LOC400499: variants seen among roughly 807,000 people sequenced by gnomAD.
At chr16:11,491,669 A>T in the LOC400499 span, 1 of 202,892 alleles carries the variant, frequency 4.9e-6, no homozygotes, top group Admixed American at 6.7e-5. Context: ...ACCCCTGCCC[A>T]CACCCCTCCC....
chr16:11,502,386 A>G, the LOC400499 span, among the ~76,000 whole-genome samples: 1 of 152,272 alleles, frequency 6.6e-6, no homozygotes, highest in African/African-American at 2.4e-5. Flanking sequence ...CAAGCATACA[A>G]GCTGGCTCAT....
chr16:11,479,654 A>T, the LOC400499 span, among the ~76,000 whole-genome samples: 4 of 151,942 alleles, frequency 2.6e-5, no homozygotes, highest in African/African-American at 9.7e-5. Context: ...AAAAAAAGAA[A>T]ATTTGCAAAG....
the LOC400499 span, chr16:11,425,099 T>C: frequency 2.5e-6 from 1 of 398,964 alleles, no homozygotes; most frequent in Non-Finnish European, 4.4e-6. Flanking sequence ...TGGAGGAAGC[T>C]GTTCTGCCTG....
At chr16:11,514,866 C>T in the LOC400499 span, among the ~76,000 whole-genome samples, 132 of 152,290 alleles carry the variant, frequency 8.7e-4, no homozygotes, top group African/African-American at 3.1e-3. Context: ...AGCAGAGGCC[C>T]ACCTCCACCT....
the LOC400499 span, among the ~76,000 whole-genome samples, chr16:11,417,294 A>G: frequency 4.6e-4 from 70 of 152,144 alleles, no homozygotes; most frequent in Non-Finnish European, 7.1e-4. Context: ...TGTTGCAATC[A>G]TAGCTCATTG....
chr16:11,495,748 C>T, the LOC400499 span, among the ~76,000 whole-genome samples: 4 of 152,194 alleles, frequency 2.6e-5, no homozygotes, highest in East Asian at 1.9e-4. Context: ...ATGTCACACA[C>T]GTTGCCTTTC....
At chr16:11,429,789 TA>T in the LOC400499 span, among the ~76,000 whole-genome samples, 36 of 149,118 alleles carry the variant, frequency 2.4e-4, no homozygotes, top group Admixed American at 6.0e-4. Context: ...GCAATAAATT[TA>T]AAAAAAAAAA....
chr16:11,498,772 G>A, the LOC400499 span, among the ~76,000 whole-genome samples: 23 of 151,674 alleles, frequency 1.5e-4, no homozygotes, highest in African/African-American at 5.1e-4. Context: ...TCCACAAGCC[G>A]ATCGATGCCA....
At chr16:11,404,084 T>A in the LOC400499 span, among the ~76,000 whole-genome samples, 2 of 152,134 alleles carry the variant, frequency 1.3e-5, no homozygotes, top group African/African-American at 2.4e-5. Flanking sequence ...ATCTGCCAGC[T>A]CCTTCTCATC....
the LOC400499 span, among the ~76,000 whole-genome samples, chr16:11,509,123 T>TC: frequency 8.1e-5 from 12 of 147,708 alleles, no homozygotes; most frequent in African/African-American, 2.7e-4. Context: ...TTTTTTTCTT[T>TC]TTTTTTTTTT....
At chr16:11,519,082 T>C in the LOC400499 span, 18 of 397,662 alleles carry the variant, frequency 4.5e-5, no homozygotes, top group African/African-American at 3.3e-4. Flanking sequence ...TGAACCCATG[T>C]TGGGGGCAAG....
At chr16:11,472,321 T>A in the LOC400499 span, 5 of 151,920 alleles carry the variant, frequency 3.3e-5, no homozygotes, top group Non-Finnish European at 5.9e-5. Context: ...GCCTCCCGGG[T>A]AGCTGGGATT....
the LOC400499 span, among the ~76,000 whole-genome samples, chr16:11,420,311 A>G: frequency 2.0e-5 from 3 of 151,872 alleles, no homozygotes; most frequent in African/African-American, 7.3e-5. Flanking sequence ...GGATGAAATT[A>G]GAAATCATCA....
chr16:11,455,970 T>C, the LOC400499 span, among the ~76,000 whole-genome samples: 3 of 151,960 alleles, frequency 2.0e-5, no homozygotes, highest in Non-Finnish European at 4.4e-5. Flanking sequence ...CACAGCCGAA[T>C]TCACTTTTAA....
At chr16:11,515,849 C>CAT in the LOC400499 span, 1 of 57,456 alleles carries the variant, frequency 1.7e-5, no homozygotes, top group Non-Finnish European at 5.2e-5. Flanking sequence ...GTCAGGGGCC[C>CAT]GGCCCAGCCC....
the LOC400499 span, among the ~76,000 whole-genome samples, chr16:11,438,208 CA>C: frequency 5.9e-5 from 9 of 152,174 alleles, no homozygotes; most frequent in African/African-American, 2.2e-4. Flanking sequence ...GCTCCTGGAA[CA>C]AATGGTTAAT....
At chr16:11,486,929 G>T in the LOC400499 span, among the ~76,000 whole-genome samples, 1 of 124,530 alleles carries the variant, frequency 8.0e-6, no homozygotes, top group Non-Finnish European at 1.7e-5. Flanking sequence ...TAGGATGAAT[G>T]GATGATGGGT....
At chr16:11,427,632 G>A in the LOC400499 span, among the ~76,000 whole-genome samples, 13 of 151,850 alleles carry the variant, frequency 8.6e-5, no homozygotes, top group Middle Eastern at 3.2e-3. Context: ...TTTTTGTAGC[G>A]ACAGAGTCTC....
chr16:11,500,341 C>T, the LOC400499 span, among the ~76,000 whole-genome samples: 2 of 151,676 alleles, frequency 1.3e-5, no homozygotes, highest in African/African-American at 4.9e-5. Context: ...AACCCCGTCT[C>T]TACTGAAAAA....
Sources: gnomAD v4.1 joint callset for allele counts (sites outside exome capture counted in the v4.1 genomes callset) on GRCh38, gnomAD v4.1.1 for gene constraint, MANE v1.5 for transcripts.